Variants in ATP2B1 observed in about 807,000 individuals in gnomAD.
ATP2B1 encodes ATPase plasma membrane Ca2+ transporting 1.
In ATP2B1, 14 loss-of-function variants were observed where a neutral mutation model predicts 124.2. The ratio of observed to expected loss-of-function variants is 0.11; its 90% CI spans 0.07 to 0.18. ATP2B1 has a LOEUF of 0.18. Among genes scored for constraint, ATP2B1 ranks in the 10% least tolerant of loss-of-function variants. The pLI is 1.00. For missense variants in ATP2B1, 763 were observed against 1,466.1 expected, an observed-to-expected ratio of 0.52 and a Z score of 7.83; for synonymous variants, 449 against 492.4, an observed-to-expected ratio of 0.91 and a Z score of 1.17.
intron 1 of ATP2B1, among the ~76,000 whole-genome samples, chr12:89,704,892 G>A (rs1678261314): frequency 6.6e-6 from 1 of 152,102 alleles, no homozygotes; most frequent in African/African-American, 2.4e-5. Context: ...GATTTAATTA[G>A]ATATTGGACA....
At position 89,635,046 on chromosome 12, in the gene ATP2B1, C is replaced by T; in HGVS notation, c.612G>A (p.Gln204=). 1 of 1,613,976 alleles carries T rather than the reference C, an allele frequency of 6.2e-7. No homozygotes were observed. Among genetic ancestry groups the T allele is most frequent in the Non-Finnish European group, 8.5e-7 (1 of 1,179,876 alleles). ...CAACAGTAATGTCAGCTACAGGTAT[C>T]TGAATGACCTGACCACCCCTGATGA... ...FTVIRGGQVI[Q]IPVADITVGD... is the part of the protein sequence containing the mutation. The change falls in exon 4 of 21, where the codon CAG becomes CAA. Residue 204 remains glutamine (Q), a synonymous_variant. Coordinates refer to ENST00000428670, the MANE Select transcript of ATP2B1 (RefSeq NM_001366521.1).
At chr12:89,681,917 T>C (rs746708347) in intron 1 of ATP2B1, among the ~76,000 whole-genome samples, 9 of 152,078 alleles carry the variant, frequency 5.9e-5, no homozygotes, top group Non-Finnish European at 1.2e-4. Context: ...AGTGAAGAAT[T>C]AGACAAAAGA....
At chr12:89,641,345 T>C (rs1202597932) in intron 3 of ATP2B1, among the ~76,000 whole-genome samples, 2 of 152,154 alleles carry the variant, frequency 1.3e-5, no homozygotes, top group African/African-American at 4.8e-5. Context: ...TCTGTACAGG[T>C]TGAGTATCCC....
At chr12:89,701,734 A>G (rs1593021684) in intron 1 of ATP2B1, among the ~76,000 whole-genome samples, 1 of 152,072 alleles carries the variant, frequency 6.6e-6, no homozygotes, top group Non-Finnish European at 1.5e-5. Context: ...TGTTTGGTAA[A>G]CAGGTTCTTT....
At chr12:89,619,661 T>C (rs1284007670) in intron 11 of ATP2B1, among the ~76,000 whole-genome samples, 5 of 150,536 alleles carry the variant, frequency 3.3e-5, no homozygotes, top group East Asian at 1.9e-4. Flanking sequence ...ATAAACTTGA[T>C]TTTCTTCCCA....
intron 1 of ATP2B1, among the ~76,000 whole-genome samples, chr12:89,695,132 C>T (rs185481927): frequency 6.6e-6 from 1 of 151,022 alleles, no homozygotes; most frequent in East Asian, 1.9e-4. Flanking sequence ...GAAGGTTTGA[C>T]AGCAGATTCT....
At chr12:89,668,198 C>A (rs1000064993) in intron 1 of ATP2B1, among the ~76,000 whole-genome samples, 1 of 152,120 alleles carries the variant, frequency 6.6e-6, no homozygotes, top group Admixed American at 6.6e-5. Context: ...CGGAGGTTTT[C>A]TTAAAATTTC....
chr12:89,708,528 C>T (rs1362577717), intron 1 of ATP2B1, 68 bp downstream of exon 1: 1 of 151,988 alleles, frequency 6.6e-6, no homozygotes, highest in Non-Finnish European at 1.5e-5. Flanking sequence ...CCGTGCTCCG[C>T]CTGGCCTCCC....
intron 1 of ATP2B1, among the ~76,000 whole-genome samples, chr12:89,657,938 T>C (rs543072036): frequency 6.6e-6 from 1 of 152,286 alleles, no homozygotes; most frequent in East Asian, 1.9e-4. Flanking sequence ...GCCTCCTTCC[T>C]CCCACTTCAC....
At chr12:89,615,333 T>C (rs1878775803) in intron 12 of ATP2B1, among the ~76,000 whole-genome samples, 2 of 152,134 alleles carry the variant, frequency 1.3e-5, no homozygotes, top group Non-Finnish European at 2.9e-5. Flanking sequence ...TCTTATTTAA[T>C]ATCATCCCCC....
chr12:89,699,688 A>C (rs1205288693), intron 1 of ATP2B1, among the ~76,000 whole-genome samples: 1 of 152,244 alleles, frequency 6.6e-6, no homozygotes, highest in Admixed American at 6.5e-5. Flanking sequence ...TCCTTAACAT[A>C]TCATGGAGTA....
At position 89,611,212 on chromosome 12, in the gene ATP2B1, A is replaced by G; in HGVS notation, c.2228T>C (p.Ile743Thr). The G allele has an allele frequency of 6.3e-7, 1 of 1,587,212 alleles. No homozygotes were observed. Among genetic ancestry groups the G allele is most frequent in the East Asian group, 2.2e-5 (1 of 44,738 alleles). ...CTTTACCTCTCCTTTTTCATTTCGT[A>G]TTCTTCTGTTAAAATCTTTACCTTC... is the stretch of plus-strand genomic sequence containing the variant. ...CLEGKDFNRR[I>T]RNEKGEIEQE... is the part of the protein sequence containing the mutation. The change falls in exon 13 of 21, where the codon ATA becomes ACA. Residue 743 changes from isoleucine (I) to threonine (T), a missense_variant. By Grantham distance (89) the Ile-to-Thr change is moderately conservative. This residue lies in a region of ATP2B1 where 392 missense variants were observed against 776.6 expected (regional missense o/e 0.50). Transcript: ENST00000428670.
chr12:89,599,261 G>A lies in ATP2B1; in HGVS notation c.3207C>T (p.Leu1069=), dbSNP rs199955362. Reference sequence around the variant, plus strand: ...TTTGTGTTCCATGACCAGCTTCTTTGAGGAATTTTAAACGGCTAGTTGGAA... The same window carrying A: ...TTTGTGTTCCATGACCAGCTTCTTTAAGGAATTTTAAACGGCTAGTTGGAA... ...STIPTSRLKF[L]KEAGHGTQKE... is the part of the protein sequence containing the mutation. The change falls in exon 20 of 21, where the codon CTC becomes CTT. Residue 1069 remains leucine, a synonymous_variant. Coordinates refer to ENST00000428670, the MANE Select transcript of ATP2B1 (RefSeq NM_001366521.1). The A allele has an allele frequency of 1.2e-6, 2 of 1,614,092 alleles. No homozygotes were observed. Among genetic ancestry groups the A allele is most frequent in the Middle Eastern group, 3.3e-4 (2 of 6,062 alleles).
At chr12:89,650,125 G>C (rs928540959) in intron 2 of ATP2B1, among the ~76,000 whole-genome samples, 1 of 152,132 alleles carries the variant, frequency 6.6e-6, no homozygotes, top group African/African-American at 2.4e-5. Flanking sequence ...TTATAGCAGT[G>C]CGCAAACGGA....
At chr12:89,706,922 A>G (rs1170801563) in intron 1 of ATP2B1, among the ~76,000 whole-genome samples, 2 of 152,204 alleles carry the variant, frequency 1.3e-5, no homozygotes, top group Non-Finnish European at 1.5e-5. Flanking sequence ...ACAGCAATTT[A>G]GCTGTCTTAT....
chr12:89,640,215 C>T (rs991218473), intron 3 of ATP2B1, among the ~76,000 whole-genome samples: 1 of 152,140 alleles, frequency 6.6e-6, no homozygotes, highest in Non-Finnish European at 1.5e-5. Flanking sequence ...TGTCTTCCCC[C>T]ACCCCCATTA....
At chr12:89,678,146 T>C (rs182191196) in intron 1 of ATP2B1, among the ~76,000 whole-genome samples, 5 of 151,768 alleles carry the variant, frequency 3.3e-5, no homozygotes, top group Admixed American at 3.3e-4. Flanking sequence ...ATAATGAAGA[T>C]AAAATGACTG....
At chr12:89,633,111 A>G (rs190514809) in intron 5 of ATP2B1, among the ~76,000 whole-genome samples, 1 of 152,212 alleles carries the variant, frequency 6.6e-6, no homozygotes, top group African/African-American at 2.4e-5. Context: ...AAGGTTATAG[A>G]TTTTATTTGG....
At chr12:89,672,559 G>A (rs1277004188) in intron 1 of ATP2B1, among the ~76,000 whole-genome samples, 1 of 152,094 alleles carries the variant, frequency 6.6e-6, no homozygotes, top group African/African-American at 2.4e-5. Flanking sequence ...GCTGCCTATC[G>A]CGCGAAATCC....
Sources: gnomAD v4.1 joint callset for allele counts (sites outside exome capture counted in the v4.1 genomes callset) on GRCh38, gnomAD v4.1.1 for gene constraint, gnomAD v4.1.1 regional missense constraint, MANE v1.5 for transcripts, NCBI Gene and HGNC (gene_info 2026-07-23, HGNC 2026-07-21) for gene names.